KIAA1958: variants seen among roughly 807,000 people sequenced by gnomAD.
The protein encoded by KIAA1958 is uncharacterized protein KIAA1958.
In KIAA1958, 14 loss-of-function variants were observed where a neutral mutation model predicts 47.2. The observed-to-expected ratio is 0.30, with a 90% CI of 0.20 to 0.46. The LOEUF (loss-of-function observed/expected upper bound fraction) is 0.46. Ranked by LOEUF, KIAA1958 falls within the 20% of genes least tolerant of loss-of-function variation. The pLI is 1.00. For synonymous variants in KIAA1958, 354 were observed against 353.3 expected (o/e 1.00, Z -0.02); for missense variants, 803 against 909.2 (o/e 0.88, Z 1.50).
At chr9:112,627,683 G>A (rs1327225451) in intron 2 of KIAA1958, among the ~76,000 whole-genome samples, 1 of 152,214 alleles carries the variant, frequency 6.6e-6, no homozygotes, top group Non-Finnish European at 1.5e-5. Context: ...GAGCCTGGGA[G>A]GTGGAGGTTG....
At chr9:112,517,938 A>G (rs1032545104) in intron 1 of KIAA1958, among the ~76,000 whole-genome samples, 2 of 152,252 alleles carry the variant, frequency 1.3e-5, no homozygotes, top group African/African-American at 4.8e-5. Context: ...TTAAGTAACT[A>G]CAATTCTTAT....
chr9:112,540,797 C>T (rs1468284570), intron 1 of KIAA1958, among the ~76,000 whole-genome samples: 1 of 151,692 alleles, frequency 6.6e-6, no homozygotes, highest in Admixed American at 6.6e-5. Context: ...CTCACTGTAG[C>T]CTCGACTTCC....
At chr9:112,597,415 C>G (rs931411005) in intron 2 of KIAA1958, among the ~76,000 whole-genome samples, 3 of 152,174 alleles carry the variant, frequency 2.0e-5, no homozygotes, top group Non-Finnish European at 4.4e-5. Context: ...GTAAGAAGCA[C>G]GGAAAGCTGG....
At chr9:112,615,012 T>G (rs148897935) in intron 2 of KIAA1958, among the ~76,000 whole-genome samples, 172 of 152,322 alleles carry the variant, frequency 1.1e-3, no homozygotes, top group African/African-American at 3.9e-3. Flanking sequence ...ACATATCCCT[T>G]AAAAGAACTT....
chr9:112,584,309 C>CT (rs1489275644), intron 2 of KIAA1958, among the ~76,000 whole-genome samples: 2 of 152,144 alleles, frequency 1.3e-5, no homozygotes, highest in Non-Finnish European at 2.9e-5. Context: ...TTAAGTTGAG[C>CT]TATACAAAGC....
chr9:112,654,240 A>T (rs561934826), intron 3 of KIAA1958, among the ~76,000 whole-genome samples: 1 of 152,178 alleles, frequency 6.6e-6, no homozygotes, highest in Non-Finnish European at 1.5e-5. Flanking sequence ...GCACTAACAT[A>T]AAAAATAAGA....
chr9:112,583,607 G>A (rs1031985183), intron 2 of KIAA1958, among the ~76,000 whole-genome samples: 3 of 152,172 alleles, frequency 2.0e-5, no homozygotes, highest in Non-Finnish European at 4.4e-5. Flanking sequence ...TAAATATATT[G>A]TGATATATTT....
chr9:112,563,730 G>A (rs757484360), intron 1 of KIAA1958, among the ~76,000 whole-genome samples: 14 of 151,324 alleles, frequency 9.3e-5, no homozygotes, highest in Non-Finnish European at 1.3e-4. Context: ...CCTCACCCCC[G>A]ACTATATTAT....
intron 1 of KIAA1958, among the ~76,000 whole-genome samples, chr9:112,570,559 A>G (rs1835514615): frequency 6.6e-6 from 1 of 152,114 alleles, no homozygotes; most frequent in Non-Finnish European, 1.5e-5. Flanking sequence ...TTTATCTTTC[A>G]CCATTTAGTA....
In KIAA1958 at chr9:112,659,509, G is replaced by A. The variant is rs745829339; in HGVS notation, c.1591G>A (p.Val531Ile). The change falls in exon 4 of 4, where the codon GTC becomes ATC. Residue 531 changes from valine to isoleucine, a missense_variant. Physicochemically the swap from Val to Ile is conservative, Grantham distance 29. This residue lies in a region of KIAA1958 where 761 missense variants were observed against 829.3 expected (regional missense o/e 0.92). Coordinates refer to ENST00000337530, the MANE Select transcript of KIAA1958 (RefSeq NM_133465.4). ...GMSGARSRNI[V>I]YFSLSDEEEM... Reference sequence around the variant, plus strand: ...GTCGGGCGCGCGTTCTCGCAACATCGTCTACTTCTCCCTTTCTGACGAGGA... The same window carrying A: ...GTCGGGCGCGCGTTCTCGCAACATCATCTACTTCTCCCTTTCTGACGAGGA... The A allele has an allele frequency of 1.1e-5, 18 of 1,613,412 alleles. No homozygotes were observed. Among genetic ancestry groups the A allele is most frequent in the East Asian group, 2.2e-5 (1 of 44,852 alleles).
chr9:112,624,559 G>C (rs562593696), intron 2 of KIAA1958, among the ~76,000 whole-genome samples: 12 of 152,128 alleles, frequency 7.9e-5, no homozygotes, highest in Non-Finnish European at 1.8e-4. Flanking sequence ...GATATTGATG[G>C]AGTACCAAGA....
Position 112,666,610 on chromosome 9 carries a change from A to G in KIAA1958, c.*6541A>G, listed in dbSNP as rs1423778000. ...AAACCCAGAAGAAGGCCAAATCTCA[A>G]TTCTAGAATCTAGAAGGAATTGATG... On this transcript the variant is annotated 3_prime_UTR_variant, in exon 4 of 4. Coordinates refer to ENST00000337530, the MANE Select transcript of KIAA1958 (RefSeq NM_133465.4). The G allele has an allele frequency of 6.6e-6, 1 of 152,214 alleles. No homozygotes were observed. Among genetic ancestry groups the G allele is most frequent in the Non-Finnish European group, 1.5e-5 (1 of 68,040 alleles). 9.4% of individuals were successfully genotyped at this position (152,214 alleles called of 1,614,324 possible).
intron 2 of KIAA1958, among the ~76,000 whole-genome samples, chr9:112,630,952 C>T (rs1248122298): frequency 6.6e-6 from 1 of 152,150 alleles, no homozygotes; most frequent in Admixed American, 6.5e-5. Context: ...AGTGTGCTTG[C>T]AAGTTTTACA....
At chr9:112,538,773 A>G (rs1309249534) in intron 1 of KIAA1958, among the ~76,000 whole-genome samples, 1 of 152,226 alleles carries the variant, frequency 6.6e-6, no homozygotes, top group Non-Finnish European at 1.5e-5. Context: ...TAATGATAAC[A>G]GTACTATATT....
rs1769880574 is a variant in KIAA1958 at position 112,574,878 on chromosome 9, A to C, written c.798A>C (p.Pro266=). The C allele has an allele frequency of 6.2e-7, 1 of 1,614,000 alleles. No homozygotes were observed. Among genetic ancestry groups the C allele is most frequent in the African/African-American group, 1.3e-5 (1 of 74,900 alleles). The change falls in exon 2 of 4, where the codon CCA becomes CCC. Residue 266 remains proline (P), a synonymous_variant. Coordinates refer to ENST00000337530, the MANE Select transcript of KIAA1958 (RefSeq NM_133465.4). ...CTGCCATCAGCACGGAGCTAGACCC[A>C]CACGGTATGTCTGCATCCCCCTCTG... is the stretch of plus-strand genomic sequence containing the variant. The part of the protein sequence containing the change: ...VTSAISTELD[P]HGMSASPSVI...
intron 1 of KIAA1958, among the ~76,000 whole-genome samples, chr9:112,568,467 T>C (rs1163708956): frequency 1.3e-5 from 2 of 152,168 alleles, no homozygotes; most frequent in Non-Finnish European, 2.9e-5. Flanking sequence ...TAATGTACCT[T>C]TTTGGAGTCA....
At chr9:112,613,905 C>T (rs1033495502) in intron 2 of KIAA1958, among the ~76,000 whole-genome samples, 4 of 152,100 alleles carry the variant, frequency 2.6e-5, no homozygotes, top group Non-Finnish European at 5.9e-5. Flanking sequence ...AATTCCACTC[C>T]TACGTATATA....
intron 2 of KIAA1958, among the ~76,000 whole-genome samples, chr9:112,586,181 G>A (rs1040315942): frequency 6.6e-6 from 1 of 152,200 alleles, no homozygotes; most frequent in African/African-American, 2.4e-5. Flanking sequence ...TATCAAGGGT[G>A]ATATATGAAT....
intron 2 of KIAA1958, among the ~76,000 whole-genome samples, chr9:112,577,823 T>A (rs1042385104): frequency 2.0e-5 from 3 of 152,162 alleles, no homozygotes; most frequent in Admixed American, 6.5e-5. Context: ...TTACATTCTC[T>A]TAGGTTTTTT....
Sources: allele counts gnomAD v4.1 joint callset (sites outside exome capture counted in the v4.1 genomes callset), GRCh38; gene constraint gnomAD v4.1.1; regional missense constraint gnomAD v4.1.1; transcripts MANE v1.5; gene names NCBI Gene and HGNC (gene_info 2026-07-23, HGNC 2026-07-21).